B3GALT5: variants seen among roughly 807,000 people sequenced by gnomAD.
The protein encoded by B3GALT5 is beta-1,3-galactosyltransferase 5.
For missense variants in B3GALT5, 328 were observed against 396.6 expected, an observed-to-expected ratio of 0.83 and a Z score of 1.47; for synonymous variants, 156 against 158.6, an observed-to-expected ratio of 0.98 and a Z score of 0.12.
intron 1 of B3GALT5, among the ~76,000 whole-genome samples, chr21:39,617,007 G>A (rs1421525229): frequency 6.6e-6 from 1 of 152,118 alleles, no homozygotes; most frequent in Non-Finnish European, 1.5e-5. Flanking sequence ...CAGCTCTATT[G>A]TGTCCTAACA....
At chr21:39,623,792 G>A (rs561509377) in intron 1 of B3GALT5, among the ~76,000 whole-genome samples, 1 of 152,236 alleles carries the variant, frequency 6.6e-6, no homozygotes, top group African/African-American at 2.4e-5. Context: ...CTTTATCATG[G>A]TGAGTACCTA....
chr21:39,629,043 G>C (rs143131746), intron 1 of B3GALT5, among the ~76,000 whole-genome samples: 1 of 151,272 alleles, frequency 6.6e-6, no homozygotes, highest in Non-Finnish European at 1.5e-5. Context: ...ATGGAGTCTC[G>C]CTCTGTCGCC....
intron 1 of B3GALT5, among the ~76,000 whole-genome samples, chr21:39,638,346 C>A (rs752380646): frequency 6.6e-6 from 1 of 152,130 alleles, no homozygotes; most frequent in South Asian, 2.1e-4. Context: ...AACACATGGG[C>A]GGCTGGACGT....
intron 2 of B3GALT5, among the ~76,000 whole-genome samples, chr21:39,654,304 A>C (rs1271548580): frequency 6.6e-6 from 1 of 152,156 alleles, no homozygotes; most frequent in Non-Finnish European, 1.5e-5. Context: ...CTAGTCTTGA[A>C]CTGCTGGCCT....
chr21:39,641,870 GT>G (rs2079293190), intron 1 of B3GALT5, among the ~76,000 whole-genome samples: 1 of 152,166 alleles, frequency 6.6e-6, no homozygotes, highest in African/African-American at 2.4e-5. Context: ...AAAACTAACT[GT>G]CCAGGAGTTT....
At chr21:39,622,824 C>G (rs2079140923) in intron 1 of B3GALT5, among the ~76,000 whole-genome samples, 1 of 151,696 alleles carries the variant, frequency 6.6e-6, no homozygotes, top group Non-Finnish European at 1.5e-5. Flanking sequence ...TGGATTGATA[C>G]AGTTTTCTAC....
chr21:39,641,822 A>G (rs1038174594), intron 1 of B3GALT5, among the ~76,000 whole-genome samples: 2 of 152,210 alleles, frequency 1.3e-5, no homozygotes, highest in Admixed American at 6.5e-5. Flanking sequence ...TCTGAATGTC[A>G]TTCAGGCTTA....
chr21:39,654,855 T>C (rs903516291), intron 2 of B3GALT5, among the ~76,000 whole-genome samples: 1 of 152,224 alleles, frequency 6.6e-6, no homozygotes, highest in African/African-American at 2.4e-5. Context: ...AAGATATGTA[T>C]GTTATTTTTT....
intron 2 of B3GALT5, among the ~76,000 whole-genome samples, chr21:39,656,316 G>A (rs570348182): frequency 5.9e-4 from 90 of 152,268 alleles, no homozygotes; most frequent in Middle Eastern, 3.4e-3. Flanking sequence ...GATCTGGAGC[G>A]AGTGTCCTGA....
chr21:39,635,905 C>G (rs781346327), intron 1 of B3GALT5, among the ~76,000 whole-genome samples: 1 of 152,224 alleles, frequency 6.6e-6, no homozygotes, highest in Non-Finnish European at 1.5e-5. Flanking sequence ...TTTCCCTCTT[C>G]TCTGCATAGC....
In B3GALT5 at chr21:39,635,699, C is replaced by T. The variant is rs377683252; in HGVS notation, c.-391-10693C>T. ...TTTGCCATGTTGGTCAGGCTGGTCTCGAACTCCTGACCTCAAGTGATCCAC... is the reference window on the plus strand; with the variant it reads ...TTTGCCATGTTGGTCAGGCTGGTCTTGAACTCCTGACCTCAAGTGATCCAC... On this transcript the variant is annotated intron_variant, in intron 1 of 3. Transcript: ENST00000684187. Among the ~76,000 whole-genome samples, 6 of 152,190 alleles carry T rather than the reference C, an allele frequency of 3.9e-5. No individual in the cohort carries two copies. In the South Asian group the frequency reaches 1.2e-3, roughly 32 times the overall value.
At chr21:39,622,553 C>CTT (rs1358921454) in intron 1 of B3GALT5, among the ~76,000 whole-genome samples, 3 of 151,928 alleles carry the variant, frequency 2.0e-5, no homozygotes, top group African/African-American at 7.2e-5. Flanking sequence ...GGGTTGGTTT[C>CTT]TTTTTCTTTT....
At chr21:39,623,216 TCCC>T (rs1411653192) in intron 1 of B3GALT5, among the ~76,000 whole-genome samples, 133 of 48,962 alleles carry the variant, frequency 2.7e-3, no homozygotes, top group Middle Eastern at 9.8e-3. Context: ...CCTCCCTCCC[TCCC>T]TCCCTCCCTC....
rs939514336 is a variant in B3GALT5, at chr21:39,665,783, T to G, written c.*4291T>G. Reference sequence around the variant, plus strand: ...TCACTCCCATGCCCCGTACCTTATATTGTTTTCCTTGCACTTACCAATTTC... The same window carrying G: ...TCACTCCCATGCCCCGTACCTTATAGTGTTTTCCTTGCACTTACCAATTTC... On this transcript the variant is annotated 3_prime_UTR_variant, in exon 4 of 4. Transcript: ENST00000684187. The G allele has an allele frequency of 6.6e-6, 1 of 152,254 alleles. No homozygotes were observed. The highest frequency in any genetic ancestry group is 1.5e-5 in the Non-Finnish European group (1 of 68,054). The allele number at this position is 152,254 out of a possible 1,614,324, so 9.4% of individuals were successfully genotyped here.
rs71184689 is a variant in B3GALT5 at position 39,639,288 on chromosome 21, CTCTTTCTT to C, written c.-391-7049_-391-7042del. On this transcript the variant is annotated intron_variant, in intron 1 of 3. Transcript: ENST00000684187. The stretch of plus-strand genomic sequence containing the variant: ...CTTGCAAGCAGCTTCAGGCATCTGG[CTCTTTCTT>C]TCTTTCTTTCTTTCTTTCTTTCTTT... Among the ~76,000 whole-genome samples, 669 of 98,470 alleles carry C rather than the reference CTCTTTCTT, an allele frequency of 6.8e-3. 15 individuals carry two copies. The highest frequency in any genetic ancestry group is 0.014 in the South Asian group (37 of 2,628). The allele number at this position is 98,470 out of a possible 152,430, so 64.6% of individuals were successfully genotyped here.
At chr21:39,624,800 T>A (rs1007689149) in intron 1 of B3GALT5, among the ~76,000 whole-genome samples, 2 of 151,778 alleles carry the variant, frequency 1.3e-5, no homozygotes, top group Non-Finnish European at 2.9e-5. Context: ...GCTAATCAGT[T>A]TACCTAAAAA....
In B3GALT5 at chr21:39,623,639, A is replaced by G. The variant is rs1229465960; in HGVS notation, c.-392+10572A>G. On this transcript the variant is annotated intron_variant, in intron 1 of 3. Transcript: ENST00000684187. ...TCTTTCCAGCATTTTGGTATCTTCT[A>G]TATGTATTATTGGTCATGGGAAATG... is the stretch of plus-strand genomic sequence containing the variant. Among the ~76,000 whole-genome samples, 6 of 152,154 alleles carry G rather than the reference A, an allele frequency of 3.9e-5. No homozygotes were observed. In the East Asian group the frequency reaches 7.7e-4, roughly 20 times the overall value.
rs368118002 is a variant in B3GALT5, at chr21:39,662,068, T to A, written c.*576T>A. On this transcript the variant is annotated 3_prime_UTR_variant, in exon 4 of 4. Transcript: ENST00000684187. ...GACCAAATTCACCCCAGCTCCTTCA[T>A]TCACAGGGCTGGATGTAGCTGGGAT... The A allele has an allele frequency of 6.0e-6, 1 of 167,092 alleles. No individual in the cohort carries two copies. The highest frequency in any genetic ancestry group is 1.9e-4 in the East Asian group (1 of 5,192). 10.4% of individuals were successfully genotyped at this position (167,092 alleles called of 1,614,324 possible).
At position 39,631,358 on chromosome 21, in the gene B3GALT5, T is replaced by C. The variant is rs148062739; in HGVS notation, c.-391-15034T>C. ...TGGCCTGTGGAGCATCTCCCTCATC[T>C]CCGCCTTCATCGTTACTTGGTGTTC... is the stretch of plus-strand genomic sequence containing the variant. On this transcript the variant is annotated intron_variant, in intron 1 of 3. Transcript: ENST00000684187. Among the ~76,000 whole-genome samples the C allele has an allele frequency of 9.9e-3, 1,506 of 152,254 alleles. 24 individuals are homozygous for C. Among genetic ancestry groups the C allele is most frequent in the African/African-American group, 0.035 (1,452 of 41,530 alleles).
Sources: allele counts gnomAD v4.1 joint callset (sites outside exome capture counted in the v4.1 genomes callset), GRCh38; gene constraint gnomAD v4.1.1; transcripts MANE v1.5; gene names NCBI Gene and HGNC (gene_info 2026-07-23, HGNC 2026-07-21).